Variants in DIAPH3 observed in about 807,000 individuals in gnomAD.
DIAPH3 encodes protein diaphanous homolog 3.
A neutral mutation model predicts 144.3 loss-of-function variants in DIAPH3; 117 were observed. That is an observed-to-expected ratio of 0.81 (90% CI 0.70 to 0.95). DIAPH3 has a LOEUF of 0.95. Ranked by LOEUF, DIAPH3 falls within the 40% of genes least tolerant of loss-of-function variation. The probability of loss-of-function intolerance (pLI) is 0.00; values close to 1 mark genes in which losing one functional copy is unlikely to be tolerated. For synonymous variants in DIAPH3, 519 were observed against 488.9 expected (o/e 1.06, Z -0.81); for missense variants, 1,421 against 1,412.7 (o/e 1.01, Z -0.09).
chr13:59,889,823 C>G (rs2045677336), intron 20 of DIAPH3, among the ~76,000 whole-genome samples: 1 of 152,002 alleles, frequency 6.6e-6, no homozygotes, highest in African/African-American at 2.4e-5. Flanking sequence ...GTGTAGCTCT[C>G]TGGAAAGTAA....
chr13:60,083,499 C>G (rs73218520), intron 4 of DIAPH3, among the ~76,000 whole-genome samples: 5,645 of 151,926 alleles, frequency 0.037, 170 homozygotes, highest in East Asian at 0.1. Flanking sequence ...GATCATGCCT[C>G]TAGATCTAGC....
intron 14 of DIAPH3, among the ~76,000 whole-genome samples, chr13:59,980,357 C>T (rs1254317816): frequency 6.6e-6 from 1 of 151,454 alleles, no homozygotes; most frequent in Non-Finnish European, 1.5e-5. Context: ...TTGAGAATTA[C>T]CACAACCTTA....
chr13:59,980,970 C>T, intron 13 of DIAPH3, 111 bp from the exon 14 acceptor site: 1 of 816,128 alleles, frequency 1.2e-6, no homozygotes, highest in East Asian at 2.6e-5. Context: ...ACTGATACTA[C>T]CAGTAATAAA....
intron 17 of DIAPH3, among the ~76,000 whole-genome samples, chr13:59,956,439 G>T (rs1208177068): frequency 6.6e-6 from 1 of 152,224 alleles, no homozygotes; most frequent in Admixed American, 6.5e-5. Flanking sequence ...AGCCTTGGCG[G>T]CTTACACATG....
At chr13:59,791,755 C>T (rs993094883) in intron 25 of DIAPH3, among the ~76,000 whole-genome samples, 4 of 152,136 alleles carry the variant, frequency 2.6e-5, no homozygotes, top group African/African-American at 9.7e-5. Context: ...CCAAATTCGA[C>T]GGGAGCTTTC....
chr13:59,826,706 A>G (rs2041452250), intron 24 of DIAPH3, among the ~76,000 whole-genome samples: 1 of 152,000 alleles, frequency 6.6e-6, no homozygotes, highest in Admixed American at 6.6e-5. Flanking sequence ...GGAACCAAAA[A>G]AGAGCCCGCA....
At chr13:60,015,882 A>G in intron 7 of DIAPH3, 31 bp downstream of exon 7, 1 of 1,570,266 alleles carries the variant, frequency 6.4e-7, no homozygotes, top group Non-Finnish European at 8.8e-7. Context: ...AAAATTGGTG[A>G]CGGACAAATA....
At chr13:59,742,983 T>C (rs1284732325) in intron 27 of DIAPH3, among the ~76,000 whole-genome samples, 1 of 152,006 alleles carries the variant, frequency 6.6e-6, no homozygotes, top group East Asian at 1.9e-4. Context: ...TTGTACAGAG[T>C]TGAAAAGTGT....
chr13:60,124,723 G>A (rs2058940966), intron 2 of DIAPH3, among the ~76,000 whole-genome samples: 1 of 151,992 alleles, frequency 6.6e-6, no homozygotes, highest in Non-Finnish European at 1.5e-5. Context: ...GCAAGGTGGT[G>A]TATGTCTGTA....
rs1022391203 is a variant in DIAPH3, at chr13:59,746,120, T to A, written c.3319+28069A>T. Among the ~76,000 whole-genome samples the A allele has an allele frequency of 2.2e-4, 33 of 152,366 alleles. 1 individual carries two copies. Among genetic ancestry groups the A allele is most frequent in the Middle Eastern group, 6.8e-3 (2 of 294 alleles). Reference sequence around the variant, plus strand: ...ACCTATTTAGCATGATTTTATTGTATATATCTTTTATATTCAGGCAGCTTT... The same window carrying A: ...ACCTATTTAGCATGATTTTATTGTAAATATCTTTTATATTCAGGCAGCTTT... On this transcript the variant is annotated intron_variant, in intron 27 of 27. Coordinates refer to ENST00000400324, the MANE Select transcript of DIAPH3 (RefSeq NM_001042517.2).
intron 27 of DIAPH3, among the ~76,000 whole-genome samples, chr13:59,735,631 T>C (rs1177890514): frequency 2.6e-5 from 4 of 152,168 alleles, no homozygotes; most frequent in Admixed American, 2.0e-4. Context: ...TAACTGATGC[T>C]TTACAGACAT....
In DIAPH3 at chr13:59,915,025, T is replaced by A. The variant is rs183555776; in HGVS notation, c.2265+1130A>T. 4.1e-3 allele frequency among the ~76,000 whole-genome samples: 631 copies of A among 152,264 alleles called. 1 individual carries two copies. Among genetic ancestry groups the A allele is most frequent in the Non-Finnish European group, 6.6e-3 (450 of 67,992 alleles). On this transcript the variant is annotated intron_variant, in intron 19 of 27. Coordinates refer to ENST00000400324, the MANE Select transcript of DIAPH3 (RefSeq NM_001042517.2). Reference sequence around the variant, plus strand: ...TTTTCTATTATATAACAAAACCACATGTTCATTTAAAACATTCATGTAATC... The same window carrying A: ...TTTTCTATTATATAACAAAACCACAAGTTCATTTAAAACATTCATGTAATC...
Position 60,122,786 on chromosome 13 carries a change from A to G in DIAPH3, c.213+10171T>C, listed in dbSNP as rs186290998. ...AAACAAGGATAACTTATGTTATTTA[A>G]TATCATGATATAAGGTAATAAGAAA... On this transcript the variant is annotated intron_variant, in intron 2 of 27. Transcript: ENST00000400324. Among the ~76,000 whole-genome samples, 114 of 152,240 alleles carry G rather than the reference A, an allele frequency of 7.5e-4. 1 individual carries two copies. Among genetic ancestry groups the G allele is most frequent in the Non-Finnish European group, 1.8e-4 (12 of 68,016 alleles).
chr13:60,155,619 C>T lies in DIAPH3; in HGVS notation c.180+7968G>A, dbSNP rs886508405. Reference sequence around the variant, plus strand: ...GTGTGTGTTAGGTAGAATTCTGACACGAATAAAATTTAGGTGCCTAAAGCT... The same window carrying T: ...GTGTGTGTTAGGTAGAATTCTGACATGAATAAAATTTAGGTGCCTAAAGCT... On this transcript the variant is annotated intron_variant, in intron 1 of 27. Coordinates refer to ENST00000400324, the MANE Select transcript of DIAPH3 (RefSeq NM_001042517.2). Among the ~76,000 whole-genome samples the T allele has an allele frequency of 3.3e-5, 5 of 152,112 alleles. No individual in the cohort carries two copies. The East Asian group carries it at 5.8e-4, about 18-fold the overall frequency.
chr13:59,680,751 AAT>A (rs1168421066), intron 27 of DIAPH3, among the ~76,000 whole-genome samples: 3 of 152,096 alleles, frequency 2.0e-5, no homozygotes, highest in Non-Finnish European at 4.4e-5. Flanking sequence ...GTAAAATAAT[AAT>A]ATGTTTATTA....
At chr13:60,151,320 G>T (rs961456572) in intron 1 of DIAPH3, among the ~76,000 whole-genome samples, 1 of 152,084 alleles carries the variant, frequency 6.6e-6, no homozygotes, top group Admixed American at 6.6e-5. Context: ...TTATAGAAGG[G>T]AAAACAGAGG....
At position 59,991,323 on chromosome 13, in the gene DIAPH3, A is replaced by T. The variant is rs1038453373; in HGVS notation, c.1245-49T>A. On this transcript the variant is annotated intron_variant, in intron 11 of 27. Transcript: ENST00000400324. The stretch of plus-strand genomic sequence containing the variant: ...GATTTATTTATACTCTACACCAAAC[A>T]ACTATAATAATATGACAGAATTTGT... The T allele has an allele frequency of 4.0e-6, 5 of 1,242,118 alleles. No individual in the cohort carries two copies. In the African/African-American group the frequency reaches 7.4e-5, roughly 18 times the overall value. 76.9% of individuals were successfully genotyped at this position (1,242,118 alleles called of 1,614,324 possible). A position where few individuals can be genotyped will look rare whatever the true frequency, so the allele number is the denominator to read the frequency against.
intron 4 of DIAPH3, among the ~76,000 whole-genome samples, chr13:60,092,595 G>A (rs1019885042): frequency 1.3e-5 from 2 of 152,090 alleles, no homozygotes; most frequent in Non-Finnish European, 2.9e-5. Flanking sequence ...AGCTTGCAGT[G>A]AGCCGAGATG....
chr13:60,064,183 G>A (rs1422954392), intron 4 of DIAPH3, among the ~76,000 whole-genome samples: 1 of 152,096 alleles, frequency 6.6e-6, no homozygotes, highest in Non-Finnish European at 1.5e-5. Context: ...TTTTTGGAAT[G>A]GTAATTGAGC....
Sources: allele counts gnomAD v4.1 joint callset (sites outside exome capture counted in the v4.1 genomes callset), GRCh38; gene constraint gnomAD v4.1.1; transcripts MANE v1.5; gene names NCBI Gene and HGNC (gene_info 2026-07-23, HGNC 2026-07-21).